Variants in PCDHGA3 observed in about 807,000 individuals in gnomAD.
PCDHGA3 encodes protocadherin gamma-A3.
In PCDHGA3, 40 loss-of-function variants were observed where a neutral mutation model predicts 58.5. That is an observed-to-expected ratio of 0.68 (90% CI 0.53 to 0.89). The LOEUF (loss-of-function observed/expected upper bound fraction) is 0.89, where lower values mean the gene tolerates loss of function less well. Ranked by LOEUF, PCDHGA3 falls within the 40% of genes least tolerant of loss-of-function variation. The pLI, the probability that PCDHGA3 is intolerant of heterozygous loss-of-function variation, is 0.00. For synonymous variants in PCDHGA3, 530 were observed against 525.7 expected (o/e 1.01, Z -0.11); for missense variants, 1,223 against 1,195.9 (o/e 1.02, Z -0.33).
At chr5:141,354,393 G>T (rs1218363401) in intron 1 of PCDHGA3, among the ~76,000 whole-genome samples, 1 of 152,184 alleles carries the variant, frequency 6.6e-6, no homozygotes, top group African/African-American at 2.4e-5. Flanking sequence ...TTGTGGCCAA[G>T]AATCTACTGT....
At chr5:141,427,570 C>T (rs1487817661) in intron 1 of PCDHGA3, 1 of 662,270 alleles carries the variant, frequency 1.5e-6, no homozygotes, top group Admixed American at 2.1e-5. Context: ...GGCAAGCCTC[C>T]GCTCTCATCC....
chr5:141,437,762 A>G (rs1286042187), intron 1 of PCDHGA3, among the ~76,000 whole-genome samples: 1 of 149,476 alleles, frequency 6.7e-6, no homozygotes, highest in African/African-American at 2.5e-5. Context: ...TTTTTGAGAC[A>G]GAGTCTCAAT....
At chr5:141,494,583 G>A (rs2099755431) in intron 1 of PCDHGA3, among the ~76,000 whole-genome samples, 1 of 152,152 alleles carries the variant, frequency 6.6e-6, no homozygotes, top group Non-Finnish European at 1.5e-5. Flanking sequence ...CTTGCTCACT[G>A]TGGTCAGATG....
chr5:141,384,138 AAC>A (rs758587148), intron 1 of PCDHGA3: 5 of 1,612,622 alleles, frequency 3.1e-6, no homozygotes, highest in Non-Finnish European at 4.2e-6. Flanking sequence ...TGGACCGGGA[AAC>A]ACTCTCTTTG....
chr5:141,355,284 C>G (rs548905369), intron 1 of PCDHGA3: 1 of 1,613,732 alleles, frequency 6.2e-7, no homozygotes, highest in East Asian at 2.2e-5. Context: ...AAATCAGGGC[C>G]GAACAGATTC....
Position 141,494,872 on chromosome 5 carries a change from G to A in PCDHGA3, c.2483+7G>A. On this transcript the variant is annotated splice_region_variant and intron_variant, in intron 2 of 3. Transcript: ENST00000253812. ...AGAGACCCGGCACCAGCGGGTAGGT[G>A]ACTGATTCTCCAGCCCACCCTCTTC... 1 of 1,614,128 alleles carries A rather than the reference G, an allele frequency of 6.2e-7. No individual in the cohort carries two copies. Among genetic ancestry groups the A allele is most frequent in the South Asian group, 1.1e-5 (1 of 91,074 alleles).
intron 1 of PCDHGA3, chr5:141,383,623 T>C: frequency 6.2e-7 from 1 of 1,613,932 alleles, no homozygotes; most frequent in South Asian, 1.1e-5. Flanking sequence ...CACGCCTGTC[T>C]TCTCTCTGCC....
intron 1 of PCDHGA3, chr5:141,394,966 G>C (rs758463890): frequency 1.9e-6 from 3 of 1,613,768 alleles, no homozygotes; most frequent in Admixed American, 3.3e-5. Context: ...AGGCTGAGGC[G>C]CTGGCACAAG....
rs1245735294 is a variant in PCDHGA3, at chr5:141,397,953, C to T, written c.2424+51496C>T. 6.2e-6 allele frequency: 6 copies of T among 961,992 alleles called. No homozygotes were observed. In the Admixed American group the frequency reaches 1.2e-4, roughly 19 times the overall value. The allele number at this position is 961,992 out of a possible 1,614,324, so 59.6% of individuals were successfully genotyped here. ...CCGCAGCGCGCTTTCCAGGGCAGCC[C>T]CAGCTCAGACTCCCCAGCGCCGGCC... On this transcript the variant is annotated intron_variant, in intron 1 of 3. Transcript: ENST00000253812.
At chr5:141,400,181 A>G (rs1188334062) in intron 1 of PCDHGA3, 14 of 1,614,034 alleles carry the variant, frequency 8.7e-6, no homozygotes, top group Non-Finnish European at 1.1e-5. Flanking sequence ...GCTGAGCTGC[A>G]GTTTTACCTA....
chr5:141,365,977 C>A (rs1374916355), intron 1 of PCDHGA3: 5 of 1,614,110 alleles, frequency 3.1e-6, no homozygotes, highest in African/African-American at 2.7e-5. Context: ...TGTCGCTGAG[C>A]CTGTTTGTGC....
chr5:141,355,488 C>T, intron 1 of PCDHGA3: 1 of 1,614,004 alleles, frequency 6.2e-7, no homozygotes, highest in South Asian at 1.1e-5. Context: ...AGGAGCTCTG[C>T]GACAGATCTC....
rs777568111 is a variant in PCDHGA3 at position 141,404,292 on chromosome 5, A to G, written c.2424+57835A>G. On this transcript the variant is annotated intron_variant, in intron 1 of 3. Coordinates refer to ENST00000253812, the MANE Select transcript of PCDHGA3 (RefSeq NM_018916.4). ...ACCCTGCAAGTGACTGACATCAATG[A>G]TAATCCACCTGCTTTCTCTCAAGCC... 2.5e-6 allele frequency: 4 copies of G among 1,613,864 alleles called. No homozygotes were observed. Among genetic ancestry groups the G allele is most frequent in the South Asian group, 1.1e-5 (1 of 91,082 alleles).
At chr5:141,405,169 CTT>C (rs1561698717) in intron 1 of PCDHGA3, 2 of 1,614,122 alleles carry the variant, frequency 1.2e-6, no homozygotes, top group Non-Finnish European at 1.7e-6. Flanking sequence ...CCACCTCACA[CTT>C]TGTGGGTGTA....
Position 141,345,505 on chromosome 5 carries a change from T to G in PCDHGA3, c.1472T>G (p.Leu491Trp). The change falls in exon 1 of 4, where the codon TTG (leucine) becomes TGG (tryptophan). Residue 491 changes from leucine (L) to tryptophan (W), a missense_variant. Transcript: ENST00000253812. ...AACAACGCCCGCATCACTTATGCAT[T>G]GACCGAGGACACTCTCCAGGGGGCG... Reference protein sequence around the residue: ...SNNNARITYALTEDTLQGAPL... With the variant: ...SNNNARITYAWTEDTLQGAPL... The G allele has an allele frequency of 6.2e-7, 1 of 1,614,130 alleles. No homozygotes were observed. The highest frequency in any genetic ancestry group is 8.5e-7 in the Non-Finnish European group (1 of 1,179,990).
At chr5:141,366,287 C>A (rs746594585) in intron 1 of PCDHGA3, 1 of 1,613,736 alleles carries the variant, frequency 6.2e-7, no homozygotes, top group African/African-American at 1.3e-5. Context: ...TGGCCAGCCC[C>A]CTCTGTCAGC....
intron 1 of PCDHGA3, among the ~76,000 whole-genome samples, chr5:141,380,623 C>T (rs1249230107): frequency 6.6e-6 from 1 of 152,204 alleles, no homozygotes; most frequent in Non-Finnish European, 1.5e-5. Flanking sequence ...TGTTCGATAA[C>T]TTAGAAAATG....
Position 141,432,014 on chromosome 5 carries a change from AACATC to A in PCDHGA3, c.2425-62789_2425-62785del. ...GGATAGGGAACAGGTTCCTAGCTAC[AACATC>A]ACAGTGACCGCCACTGACCGGGGAA... On this transcript the variant is annotated intron_variant, in intron 1 of 3. Transcript: ENST00000253812. This position sits in a 1 kb window ranked among gnomAD's most constrained non-coding sequence, Gnocchi z 6.0. 6.2e-7 allele frequency: 1 copy of A among 1,614,078 alleles called. No individual in the cohort carries two copies. The highest frequency in any genetic ancestry group is 8.5e-7 in the Non-Finnish European group (1 of 1,180,036).
intron 1 of PCDHGA3, among the ~76,000 whole-genome samples, chr5:141,434,700 G>A (rs1041657389): frequency 6.6e-6 from 1 of 151,780 alleles, no homozygotes; most frequent in Non-Finnish European, 1.5e-5. Context: ...TAATAAATAT[G>A]TGGGTAAATC....
Sources: gnomAD v4.1 joint callset for allele counts (sites outside exome capture counted in the v4.1 genomes callset) on GRCh38, gnomAD v4.1.1 for gene constraint, Gnocchi (gnomAD v3.1) non-coding constraint, MANE v1.5 for transcripts, NCBI Gene and HGNC (gene_info 2026-07-23, HGNC 2026-07-21) for gene names.